RTP2: variants seen among roughly 807,000 people sequenced by gnomAD.
The protein encoded by RTP2 is receptor transporter protein 2.
In RTP2, 12 loss-of-function variants were observed where a neutral mutation model predicts 17.9. The observed-to-expected ratio is 0.67, with a 90% CI of 0.43 to 1.09. The LOEUF is 1.09. RTP2 is among the 50% of genes least tolerant of loss of function. The pLI, the probability that RTP2 is intolerant of heterozygous loss-of-function variation, is 0.00. For missense variants in RTP2, 327 were observed against 295.7 expected (o/e 1.11, Z -0.78); for synonymous variants, 126 against 117.7 (o/e 1.07, Z -0.46).
At chr3:187,711,962 C>T in the RTP2 span, among the ~76,000 whole-genome samples, 395 of 152,154 alleles carry the variant, frequency 2.6e-3, 2 homozygotes, top group African/African-American at 8.9e-3. Flanking sequence ...AACAGATCAG[C>T]GGTTGCCAGA....
At chr3:187,709,469 A>C in the RTP2 span, among the ~76,000 whole-genome samples, 1 of 152,176 alleles carries the variant, frequency 6.6e-6, no homozygotes, top group Admixed American at 6.5e-5. Context: ...GCAGATCATG[A>C]AGTTAGGATT....
chr3:187,700,921 ATTCCAGGTCTTGGGACAAGAGTACAAACG>A, intron 1 of RTP2, among the ~76,000 whole-genome samples: 1 of 152,160 alleles, frequency 6.6e-6, no homozygotes, highest in Admixed American at 6.5e-5. Flanking sequence ...TACTCCAATA[ATTCCAGGTCTTGGGACAAGAGTACAAACG>A]TAAGCTCCCT....
the RTP2 span, chr3:187,715,644 C>T: frequency 2.2e-6 from 1 of 456,566 alleles, no homozygotes; most frequent in African/African-American, 2.0e-5. Flanking sequence ...TCAGAATTCT[C>T]ACCACTGGTT....
intron 1 of RTP2, among the ~76,000 whole-genome samples, chr3:187,700,755 C>T (rs190092021): frequency 1.2e-4 from 19 of 152,256 alleles, no homozygotes; most frequent in Middle Eastern, 3.4e-3. Context: ...GACAGAAGCC[C>T]AGATAGTAAG....
upstream of RTP2, among the ~76,000 whole-genome samples, chr3:187,704,750 G>A (rs1008347251): frequency 1.3e-5 from 2 of 152,126 alleles, no homozygotes; most frequent in Non-Finnish European, 2.9e-5. Flanking sequence ...ATATTAGGAA[G>A]GCCTCTCCAT....
chr3:187,700,958 C>T (rs1046945449), intron 1 of RTP2, among the ~76,000 whole-genome samples: 1 of 152,204 alleles, frequency 6.6e-6, no homozygotes, highest in East Asian at 1.9e-4. Context: ...ACGTAAGCTC[C>T]CTACCCACAT....
At chr3:187,715,114 C>T in the RTP2 span, among the ~76,000 whole-genome samples, 191 of 152,248 alleles carry the variant, frequency 1.3e-3, no homozygotes, top group African/African-American at 4.3e-3. Flanking sequence ...TCCTGAGACT[C>T]CTAGGAGGAA....
chr3:187,708,773 A>G, the RTP2 span, among the ~76,000 whole-genome samples: 1 of 152,330 alleles, frequency 6.6e-6, no homozygotes, highest in African/African-American at 2.4e-5. Flanking sequence ...CACACACAAG[A>G]ACCCTATGAG....
chr3:187,712,668 C>G, the RTP2 span, among the ~76,000 whole-genome samples: 2 of 152,082 alleles, frequency 1.3e-5, no homozygotes, highest in Non-Finnish European at 2.9e-5. Context: ...CATGCATGTT[C>G]GTCTCCTGGA....
chr3:187,704,895 C>T (rs1244444069), upstream of RTP2, among the ~76,000 whole-genome samples: 1 of 152,116 alleles, frequency 6.6e-6, no homozygotes. Flanking sequence ...GGAATCTTCC[C>T]AGGAAGATTT....
chr3:187,715,276 C>T, the RTP2 span, among the ~76,000 whole-genome samples: 1 of 152,338 alleles, frequency 6.6e-6, no homozygotes, highest in African/African-American at 2.4e-5. Flanking sequence ...ACATCTTAAG[C>T]TTAAATCACC....
chr3:187,699,696 C>A (rs895298025), intron 1 of RTP2, among the ~76,000 whole-genome samples: 3 of 150,714 alleles, frequency 2.0e-5, no homozygotes, highest in Admixed American at 2.0e-4. Context: ...GCAGTGGGGA[C>A]TGGAAAAGAG....
exon 2 of RTP2, chr3:187,698,509 C>T: frequency 2.5e-6 from 4 of 1,607,816 alleles, no homozygotes; most frequent in Non-Finnish European, 2.6e-6. Flanking sequence ...TAAAAGAAGG[C>T]AGGACTGAGG....
chr3:187,711,953 A>G, the RTP2 span, among the ~76,000 whole-genome samples: 1 of 152,206 alleles, frequency 6.6e-6, no homozygotes, highest in African/African-American at 2.4e-5. Context: ...GAGGTGGAGA[A>G]CAGATCAGCG....
chr3:187,714,506 C>A, the RTP2 span, among the ~76,000 whole-genome samples: 21 of 152,232 alleles, frequency 1.4e-4, no homozygotes, highest in Non-Finnish European at 4.4e-5. Flanking sequence ...AAAAATAGCA[C>A]TGGCCCCATT....
chr3:187,698,333 C>T (rs1489218270), exon 2 of RTP2: 1 of 613,880 alleles, frequency 1.6e-6, no homozygotes, highest in South Asian at 2.3e-5. Flanking sequence ...AGAATCATTG[C>T]CTATCTTCTA....
At chr3:187,702,027 G>T (rs772117505) in exon 1 of RTP2, 23 of 1,613,386 alleles carry the variant, frequency 1.4e-5, no homozygotes, top group Non-Finnish European at 1.9e-5. Context: ...TGGGCTTGAG[G>T]TTGGGGTCTA....
At chr3:187,701,134 C>T (rs1409151736) in intron 1 of RTP2, among the ~76,000 whole-genome samples, 1 of 152,206 alleles carries the variant, frequency 6.6e-6, no homozygotes, top group Non-Finnish European at 1.5e-5. Context: ...AAGGCCTGCA[C>T]AGACACTACA....
exon 1 of RTP2, chr3:187,702,017 T>G: frequency 6.2e-7 from 1 of 1,612,620 alleles, no homozygotes; most frequent in South Asian, 1.1e-5. Flanking sequence ...GCCAGCTCAC[T>G]GGGCTTGAGG....
Sources: gnomAD v4.1 joint callset for allele counts (sites outside exome capture counted in the v4.1 genomes callset) on GRCh38, gnomAD v4.1.1 for gene constraint, MANE v1.5 for transcripts, NCBI Gene and HGNC (gene_info 2026-07-23, HGNC 2026-07-21) for gene names.